Variants in ATP11C observed in about 807,000 individuals in gnomAD.
The protein encoded by ATP11C is phospholipid-transporting ATPase IG.
ATP11C carries 36 observed loss-of-function variants against 97.4 expected under a neutral mutation model. The ratio of observed to expected loss-of-function variants is 0.37; its 90% CI spans 0.28 to 0.49. The LOEUF is 0.49. Among genes scored for constraint, ATP11C ranks in the 20% least tolerant of loss-of-function variants. ATP11C has a pLI of 0.98. For synonymous variants in ATP11C, 275 were observed against 290.9 expected (o/e 0.95, Z 0.56); for missense variants, 730 against 824.6 (o/e 0.89, Z 1.40).
At chrX:139,901,411 C>T (rs1390590168) in intron 1 of ATP11C, among the ~76,000 whole-genome samples, 5 of 111,744 alleles carry the variant, frequency 4.5e-5, no homozygotes, top group African/African-American at 6.5e-5. Flanking sequence ...GTTCCTTTTG[C>T]ACCCTCTCAG....
intron 1 of ATP11C, among the ~76,000 whole-genome samples, chrX:139,833,481 A>T (rs1210514050): frequency 2.7e-5 from 3 of 111,059 alleles, no homozygotes; most frequent in Non-Finnish European, 5.7e-5. Context: ...CCAGAGTTCC[A>T]GACCAGCCTG....
At position 139,788,346 on chromosome X, in the gene ATP11C, G is replaced by A; in HGVS notation, c.1369-3C>T. On this transcript the variant is annotated splice_polypyrimidine_tract_variant and splice_region_variant and intron_variant, in intron 13 of 29. Transcript: ENST00000682941. ...CGTAGAAACAGCTCTTCTCGATTCT[G>A]TGGAACAGCAACAAAATAATGATTA... 1.7e-6 allele frequency: 2 copies of A among 1,196,878 alleles called. No homozygotes were observed. Among genetic ancestry groups the A allele is most frequent in the Non-Finnish European group, 1.1e-6 (1 of 885,299 alleles).
chrX:139,791,258 G>T (rs892574682), intron 12 of ATP11C, among the ~76,000 whole-genome samples: 11 of 110,530 alleles, frequency 1.0e-4, no homozygotes, highest in African/African-American at 3.6e-4. Context: ...CAGTTTAAAT[G>T]AAATTCTTTG....
At chrX:139,849,678 TCA>T in intron 1 of ATP11C, among the ~76,000 whole-genome samples, 1 of 112,570 alleles carries the variant, frequency 8.9e-6, no homozygotes, top group South Asian at 3.7e-4. Context: ...TGAATAGTTC[TCA>T]GTCTTTATCT....
At chrX:139,829,682 C>G (rs931968728) in intron 1 of ATP11C, among the ~76,000 whole-genome samples, 1 of 111,036 alleles carries the variant, frequency 9.0e-6, no homozygotes, top group Non-Finnish European at 1.9e-5. Flanking sequence ...CTGGTACTGA[C>G]TCTATTTTAA....
At chrX:139,799,760 C>A (rs2082882722) in intron 8 of ATP11C, among the ~76,000 whole-genome samples, 1 of 97,809 alleles carries the variant, frequency 1.0e-5, no homozygotes, top group African/African-American at 3.8e-5. Flanking sequence ...TCAAGAGATT[C>A]TCCTGCCTCA....
chrX:139,852,760 AC>A (rs2084019391), intron 1 of ATP11C, among the ~76,000 whole-genome samples: 1 of 110,170 alleles, frequency 9.1e-6, no homozygotes, highest in Non-Finnish European at 1.9e-5. Flanking sequence ...TGGGATTTAT[AC>A]CAGCACACCA....
chrX:139,823,042 C>T (rs894953532), intron 2 of ATP11C, among the ~76,000 whole-genome samples: 51 of 110,036 alleles, frequency 4.6e-4, no homozygotes, highest in Non-Finnish European at 8.9e-4. Context: ...CATGGCGAAA[C>T]CCCGTGTCTA....
intron 1 of ATP11C, among the ~76,000 whole-genome samples, chrX:139,920,209 T>C (rs1406080457): frequency 9.3e-6 from 1 of 108,073 alleles, no homozygotes; most frequent in Non-Finnish European, 1.9e-5. Flanking sequence ...ATACAAAAAT[T>C]AGTCGAGTGT....
intron 3 of ATP11C, among the ~76,000 whole-genome samples, chrX:139,818,330 G>A (rs868867217): frequency 1.1e-4 from 12 of 111,766 alleles, no homozygotes; most frequent in African/African-American, 3.9e-4. Flanking sequence ...GCCATATCTT[G>A]ATCTTCATTG....
intron 29 of ATP11C, 145 bp from the exon 30 acceptor site, chrX:139,729,107 AG>A (rs1396007046): frequency 2.4e-6 from 1 of 420,405 alleles, no homozygotes; most frequent in Non-Finnish European, 4.1e-6. Flanking sequence ...ATTCACATGC[AG>A]GGGAAAAAAA....
rs2085343182 is a variant in ATP11C at position 139,925,823 on chromosome X, C to T, written c.27+6193G>A. Among the ~76,000 whole-genome samples, 5 of 111,911 alleles carry T rather than the reference C, an allele frequency of 4.5e-5. No homozygotes were observed. In the South Asian group the frequency reaches 1.1e-3, roughly 25 times the overall value. ...ATTAAATACATATGGCACAAGAAAT[C>T]AATGATTTCTACTTCACAAATACAG... is the stretch of plus-strand genomic sequence containing the variant. On this transcript the variant is annotated intron_variant, in intron 1 of 29. Transcript: ENST00000682941.
At chrX:139,745,044 T>C (rs914582796) in intron 25 of ATP11C, among the ~76,000 whole-genome samples, 1 of 111,536 alleles carries the variant, frequency 9.0e-6, no homozygotes, top group East Asian at 2.8e-4. Flanking sequence ...ATCTCAGAAA[T>C]AGCAAAGGAG....
chrX:139,803,685 C>CTTTTTTTTT lies in ATP11C; in HGVS notation c.555+777_555+785dup, dbSNP rs140315105. Among the ~76,000 whole-genome samples the CTTTTTTTTT allele has an allele frequency of 1.0e-3, 40 of 38,267 alleles. 8 individuals are homozygous for CTTTTTTTTT. The highest frequency in any genetic ancestry group is 3.5e-3 in the African/African-American group (33 of 9,558). 33.2% of individuals were successfully genotyped at this position (38,267 alleles called of 115,157 possible). A position where few individuals can be genotyped will look rare whatever the true frequency, so the allele number is the denominator to read the frequency against. On this transcript the variant is annotated intron_variant, in intron 6 of 29. Transcript: ENST00000682941. ...AAACATTTTCCAAACTACACCCTAT[C>CTTTTTTTTT]TTTTTTTTTTTTTTTTTTTTTTTTT...
intron 1 of ATP11C, among the ~76,000 whole-genome samples, chrX:139,930,415 ATT>A (rs1458313351): frequency 9.0e-6 from 1 of 110,727 alleles, no homozygotes; most frequent in Admixed American, 9.7e-5. Flanking sequence ...TTTTATTATG[ATT>A]CAGAGCCCAG....
chrX:139,833,697 AAAAC>A (rs1405408963), intron 1 of ATP11C, among the ~76,000 whole-genome samples: 1 of 111,086 alleles, frequency 9.0e-6, no homozygotes, highest in Non-Finnish European at 1.9e-5. Context: ...TCTTTAAAAA[AAAAC>A]AAACATTCTT....
chrX:139,795,025 A>G (rs2082764471), intron 12 of ATP11C, among the ~76,000 whole-genome samples: 1 of 112,019 alleles, frequency 8.9e-6, no homozygotes, highest in Non-Finnish European at 1.9e-5. Flanking sequence ...CACTCTGCAA[A>G]TTGATGCCTT....
rs752814345 is a variant in ATP11C, at chrX:139,840,468, T to C, written c.28-13645A>G. The stretch of plus-strand genomic sequence containing the variant: ...ATTAAACAGTTGATTAAAATGATGG[T>C]TACAGCTATTTCTATTTTTATAAAA... On this transcript the variant is annotated intron_variant, in intron 1 of 29. Transcript: ENST00000682941. Among the ~76,000 whole-genome samples the C allele has an allele frequency of 2.7e-5, 3 of 112,704 alleles. No homozygotes were observed. In the South Asian group the frequency reaches 1.1e-3, roughly 41 times the overall value.
intron 3 of ATP11C, 57 bp from the exon 4 acceptor site, chrX:139,817,000 C>T: frequency 4.1e-6 from 3 of 731,906 alleles, no homozygotes; most frequent in Non-Finnish European, 6.1e-6. Flanking sequence ...AACTCATATG[C>T]AGCACTTACA....
Sources: allele counts gnomAD v4.1 joint callset (sites outside exome capture counted in the v4.1 genomes callset), GRCh38; gene constraint gnomAD v4.1.1; transcripts MANE v1.5; gene names NCBI Gene and HGNC (gene_info 2026-07-23, HGNC 2026-07-21).